XRN2: variants seen among roughly 807,000 people sequenced by gnomAD.
The protein encoded by XRN2 is DHM1-like protein.
A neutral mutation model predicts 138.5 loss-of-function variants in XRN2; 44 were observed. That is an observed-to-expected ratio of 0.32 (90% CI 0.25 to 0.41). The LOEUF (loss-of-function observed/expected upper bound fraction) is 0.41. XRN2 is among the 10% of genes least tolerant of loss of function. The pLI is 1.00. For synonymous variants in XRN2, 354 were observed against 369.4 expected, an observed-to-expected ratio of 0.96 and a Z score of 0.48; for missense variants, 937 against 1,169.3, an observed-to-expected ratio of 0.80 and a Z score of 2.90.
chr20:21,346,276 A>C, intron 16 of XRN2, 139 bp from the exon 17 acceptor site: 1 of 1,086,524 alleles, frequency 9.2e-7, no homozygotes, highest in Non-Finnish European at 1.3e-6. Flanking sequence ...AGTTAAATGA[A>C]TCTGTGTTAG....
intron 20 of XRN2, among the ~76,000 whole-genome samples, chr20:21,354,512 T>C (rs552602055): frequency 2.0e-5 from 3 of 152,312 alleles, no homozygotes; most frequent in South Asian, 4.1e-4. Flanking sequence ...TGTTCATTTA[T>C]TTAAAATTTT....
chr20:21,313,925 G>A (rs116189642), intron 1 of XRN2, among the ~76,000 whole-genome samples: 1 of 152,298 alleles, frequency 6.6e-6, no homozygotes, highest in African/African-American at 2.4e-5. Flanking sequence ...CAGCTTTGTT[G>A]AGATATGATT....
intron 1 of XRN2, among the ~76,000 whole-genome samples, chr20:21,324,354 AAG>A (rs1466144237): frequency 6.6e-6 from 1 of 152,162 alleles, no homozygotes; most frequent in African/African-American, 2.4e-5. Context: ...TTCCTTCTCA[AAG>A]ACAGTCAATA....
chr20:21,337,704 A>G (rs2038315015), intron 13 of XRN2, among the ~76,000 whole-genome samples: 1 of 152,204 alleles, frequency 6.6e-6, no homozygotes, highest in African/African-American at 2.4e-5. Context: ...CCTACTGCTA[A>G]AGGTCATCAC....
chr20:21,326,728 C>G (rs2038134207), intron 3 of XRN2, 127 bp downstream of exon 3: 1 of 728,972 alleles, frequency 1.4e-6, no homozygotes, highest in Non-Finnish European at 2.2e-6. Context: ...AAAGCCTCAT[C>G]CTTCAGTCAT....
chr20:21,303,811 A>G, intron 1 of XRN2: 7 of 1,072,372 alleles, frequency 6.5e-6, no homozygotes, highest in Non-Finnish European at 7.9e-6. Flanking sequence ...GGGTCTCGGA[A>G]GAGGTTCAGA....
At chr20:21,361,814 T>C (rs2122295342) in intron 24 of XRN2, among the ~76,000 whole-genome samples, 1 of 152,362 alleles carries the variant, frequency 6.6e-6, no homozygotes, top group African/African-American at 2.4e-5. Context: ...ATCTGAGTTA[T>C]GGCTGTTATC....
At chr20:21,326,730 TTCAG>T in intron 3 of XRN2, 129 bp downstream of exon 3, 1 of 715,734 alleles carries the variant, frequency 1.4e-6, no homozygotes, top group African/African-American at 1.8e-5. Flanking sequence ...AGCCTCATCC[TTCAG>T]TCATTCATTC....
rs2038195946 is a variant in XRN2, at chr20:21,330,702, G to A, written c.573G>A (p.Leu191=). 6.2e-7 allele frequency: 1 copy of A among 1,611,682 alleles called. No homozygotes were observed. Residue 191 remains leucine, a synonymous_variant, in exon 6 of 30, where the codon TTG becomes TTA. Coordinates refer to ENST00000377191, the MANE Select transcript of XRN2 (RefSeq NM_012255.5). ...ATAATGACCCTGGGTGGAAAAATTT[G>A]ACAGTAAGTTTCACATTTTGATACT... ...RLNNDPGWKN[L]TVILSDASAP...
At chr20:21,385,645 T>A (rs1192180872) in intron 28 of XRN2, among the ~76,000 whole-genome samples, 1 of 150,396 alleles carries the variant, frequency 6.6e-6, no homozygotes, top group African/African-American at 2.5e-5. Flanking sequence ...CACACAAAAA[T>A]AATTATCTCT....
At chr20:21,355,016 G>A (rs1228590410) in intron 21 of XRN2, 144 bp downstream of exon 21, 7 of 585,670 alleles carry the variant, frequency 1.2e-5, no homozygotes, top group South Asian at 5.0e-5. Context: ...TATTACAGAC[G>A]TTGACTTTGC....
chr20:21,367,570 T>A (rs1476852207), intron 26 of XRN2, among the ~76,000 whole-genome samples: 1 of 152,050 alleles, frequency 6.6e-6, no homozygotes, highest in Non-Finnish European at 1.5e-5. Flanking sequence ...CGAACCACTC[T>A]GTGCCTCCAT....
intron 27 of XRN2, among the ~76,000 whole-genome samples, chr20:21,375,569 A>G (rs1600717221): frequency 6.6e-6 from 1 of 151,608 alleles, no homozygotes; most frequent in East Asian, 1.9e-4. Flanking sequence ...ATTTAGAAGT[A>G]TATTGCTTAA....
intron 28 of XRN2, among the ~76,000 whole-genome samples, chr20:21,383,615 G>A (rs1028510213): frequency 2.6e-5 from 4 of 152,148 alleles, no homozygotes; most frequent in South Asian, 4.1e-4. Context: ...ATATAAAGAC[G>A]TAGGGACTTC....
intron 26 of XRN2, among the ~76,000 whole-genome samples, chr20:21,367,335 C>G (rs934072384): frequency 6.6e-6 from 1 of 152,084 alleles, no homozygotes; most frequent in African/African-American, 2.4e-5. Flanking sequence ...AGGATTCATG[C>G]ATTAATAATG....
At chr20:21,344,024 G>A (rs2038404763) in intron 15 of XRN2, 66 bp from the exon 16 acceptor site, 2 of 1,183,176 alleles carry the variant, frequency 1.7e-6, no homozygotes, top group East Asian at 4.7e-5. Flanking sequence ...AGTGGTGGTT[G>A]GATGTACCTT....
chr20:21,335,164 A>C (rs1242119936), intron 13 of XRN2, among the ~76,000 whole-genome samples: 1 of 152,172 alleles, frequency 6.6e-6, no homozygotes, highest in Non-Finnish European at 1.5e-5. Flanking sequence ...TCGTCCGTGG[A>C]CAGGGTTTGG....
intron 9 of XRN2, 50 bp from the exon 10 acceptor site, chr20:21,333,494 A>G (rs1197772979): frequency 3.8e-6 from 6 of 1,585,268 alleles, no homozygotes; most frequent in Admixed American, 3.4e-5. Flanking sequence ...GTTGGAAAAA[A>G]TTACTGGACG....
rs762248559 is a variant in XRN2, at chr20:21,348,243, G to A, written c.1763G>A (p.Gly588Asp). ...IADMPSDFEK[G>D]TKPFKPLEQL... is the part of the protein sequence containing the mutation. ...GACATGCCATCTGATTTTGAGAAGG[G>A]TACGAAACCGGTAAGCTTAATTACT... is the stretch of plus-strand genomic sequence containing the variant. Residue 588 changes from glycine (G) to aspartate (D), a missense_variant, in exon 18 of 30, where the codon GGT (glycine) becomes GAT (aspartate). Physicochemically the swap from Gly to Asp is moderately conservative, Grantham distance 94. Around this residue, in one of 6 missense-constraint regions of XRN2, gnomAD observed 471 missense variants for 581.2 expected, o/e 0.81. Coordinates refer to ENST00000377191, the MANE Select transcript of XRN2 (RefSeq NM_012255.5). The A allele has an allele frequency of 1.1e-5, 17 of 1,613,832 alleles. No homozygotes were observed. In the South Asian group the frequency reaches 1.8e-4, roughly 17 times the overall value.
Sources: gnomAD v4.1 joint callset for allele counts (sites outside exome capture counted in the v4.1 genomes callset) on GRCh38, gnomAD v4.1.1 for gene constraint, gnomAD v4.1.1 regional missense constraint, MANE v1.5 for transcripts, NCBI Gene and HGNC (gene_info 2026-07-23, HGNC 2026-07-21) for gene names.